The following DDX50 variants were observed in gnomAD, a reference collection of about 807,000 sequenced individuals.
The protein encoded by DDX50 is DExD-box helicase 50.
A neutral mutation model predicts 94.8 loss-of-function variants in DDX50; 56 were observed. The observed-to-expected ratio is 0.59, with a 90% CI of 0.48 to 0.74. The LOEUF is 0.74. Ranked by LOEUF, DDX50 falls within the 30% of genes least tolerant of loss-of-function variation. DDX50 has a pLI of 0.00. For missense variants in DDX50, 713 were observed against 881.2 expected, an observed-to-expected ratio of 0.81 and a Z score of 2.42; for synonymous variants, 264 against 295.4, an observed-to-expected ratio of 0.89 and a Z score of 1.09.
Position 68,930,803 on chromosome 10 carries a change from G to T in DDX50, c.1240-3396G>T, listed in dbSNP as rs985736436. On this transcript the variant is annotated intron_variant, in intron 8 of 14. Transcript: ENST00000373585. ...CAAGTAGCTGGGACGACACGTATGTGCCCCTACAGCTGGCTAACTTTTTAT... is the reference window on the plus strand; with the variant it reads ...CAAGTAGCTGGGACGACACGTATGTTCCCCTACAGCTGGCTAACTTTTTAT... 4.6e-5 allele frequency among the ~76,000 whole-genome samples: 7 copies of T among 152,186 alleles called. No individual in the cohort carries two copies. In the East Asian group the frequency reaches 5.8e-4, roughly 13 times the overall value.
In DDX50 at chr10:68,913,449, C is replaced by A. The variant is rs1554834331; in HGVS notation, c.816C>A (p.Asp272Glu). The A allele has an allele frequency of 1.2e-6, 2 of 1,614,006 alleles. No individual in the cohort carries two copies. Among genetic ancestry groups the A allele is most frequent in the Non-Finnish European group, 1.7e-6 (2 of 1,180,020 alleles). ...ILVGTPGRIK[D>E]HLQSGRLDLS... ...TTGGAACACCTGGTCGTATCAAAGA[C>A]CATCTGCAGAGTGGCCGATTGGATC... Residue 272 changes from aspartate (D) to glutamate (E), a missense_variant, in exon 6 of 15, where the codon GAC (aspartate) becomes GAA (glutamate). Asp to Glu is a conservative substitution (Grantham distance 45). Transcript: ENST00000373585.
Position 68,937,007 on chromosome 10 carries a change from A to G in DDX50, c.1667A>G (p.Lys556Arg). ...TCAGCTCAGAGACTGATAGAAGAGAAAGGTGCAGTGGATGCATTGGCTGCA... is the reference window on the plus strand; with the variant it reads ...TCAGCTCAGAGACTGATAGAAGAGAGAGGTGCAGTGGATGCATTGGCTGCA... ...RPSAQRLIEE[K>R]GAVDALAAAL... Residue 556 changes from lysine to arginine, a missense_variant, in exon 12 of 15, where the codon AAA becomes AGA. Transcript: ENST00000373585. The G allele has an allele frequency of 6.2e-7, 1 of 1,612,416 alleles. No individual in the cohort carries two copies. The highest frequency in any genetic ancestry group is 8.5e-7 in the Non-Finnish European group (1 of 1,179,914).
intron 8 of DDX50, among the ~76,000 whole-genome samples, chr10:68,931,155 A>G (rs1293230893): frequency 6.6e-6 from 1 of 152,008 alleles, no homozygotes; most frequent in Non-Finnish European, 1.5e-5. Context: ...TATTTGATTA[A>G]TGTCCATCTT....
chr10:68,914,081 T>G lies in DDX50; in HGVS notation c.966T>G (p.Thr322=), dbSNP rs1011264607. Residue 322 remains threonine, a synonymous_variant, in exon 7 of 15, where the codon ACT becomes ACG. Coordinates refer to ENST00000373585, the MANE Select transcript of DDX50 (RefSeq NM_024045.2). Reference sequence around the variant, plus strand: ...AAGATTCTGAAGACAATCCTCAGACTTTACTTTTTTCTGCAACTTGCCCAC... The same window carrying G: ...AAGATTCTGAAGACAATCCTCAGACGTTACTTTTTTCTGCAACTTGCCCAC... The part of the protein sequence containing the change: ...YKTDSEDNPQ[T]LLFSATCPQW... 1.9e-6 allele frequency: 3 copies of G among 1,600,880 alleles called. No homozygotes were observed.
chr10:68,935,908 A>G lies in DDX50; in HGVS notation c.1522-98A>G, dbSNP rs1362959494. ...TCTGCTAGGGCTATGAAATCTTTAA[A>G]TGCAAGAAATAGAAATTCAACGAAC... is the stretch of plus-strand genomic sequence containing the variant. On this transcript the variant is annotated intron_variant, in intron 10 of 14. Transcript: ENST00000373585. 5 of 824,476 alleles carry G rather than the reference A, an allele frequency of 6.1e-6. No homozygotes were observed. In the Admixed American group the frequency reaches 1.4e-4, roughly 23 times the overall value. 51.1% of individuals were successfully genotyped at this position (824,476 alleles called of 1,614,324 possible).
intron 2 of DDX50, among the ~76,000 whole-genome samples, chr10:68,908,417 C>G (rs547839073): frequency 7.0e-4 from 98 of 140,022 alleles, no homozygotes; most frequent in African/African-American, 2.3e-3. Flanking sequence ...CACCATTGCA[C>G]TCCAGCCTGG....
At chr10:68,918,750 G>A (rs935972822) in intron 7 of DDX50, among the ~76,000 whole-genome samples, 2 of 151,964 alleles carry the variant, frequency 1.3e-5, no homozygotes, top group Non-Finnish European at 2.9e-5. Context: ...TTCTTTATCC[G>A]CTGTCAACCA....
chr10:68,932,387 G>C (rs1283188878), intron 8 of DDX50, among the ~76,000 whole-genome samples: 1 of 152,104 alleles, frequency 6.6e-6, no homozygotes, highest in Non-Finnish European at 1.5e-5. Context: ...AACCTCTCGA[G>C]TAGCTGGGAT....
Position 68,910,226 on chromosome 10 carries a change from G to A in DDX50, c.385-81G>A, listed in dbSNP as rs1589250675. ...AGTGTTCCACTAATTTTCCTTGTAA[G>A]TTAATCTGTAAAAAATTAAAAACAG... On this transcript the variant is annotated intron_variant, in intron 2 of 14. Coordinates refer to ENST00000373585, the MANE Select transcript of DDX50 (RefSeq NM_024045.2). The A allele has an allele frequency of 5.1e-6, 6 of 1,186,874 alleles. No homozygotes were observed. The East Asian group carries it at 7.7e-5, about 15-fold the overall frequency. The allele number at this position is 1,186,874 out of a possible 1,614,324, so 73.5% of individuals were successfully genotyped here.
rs751261926 is a variant in DDX50 at position 68,910,395 on chromosome 10, GTTGTTGTTGTTA to G, written c.460+25_460+36del. ...AAGCTTCTGAAAGGTATGCAGTTTG[GTTGTTGTTGTTA>G]TTGTTGTTGTTTTGAGACAGAGCCT... On this transcript the variant is annotated intron_variant, in intron 3 of 14. Coordinates refer to ENST00000373585, the MANE Select transcript of DDX50 (RefSeq NM_024045.2). 1 of 1,582,786 alleles carries G rather than the reference GTTGTTGTTGTTA, an allele frequency of 6.3e-7. No homozygotes were observed.
intron 14 of DDX50, 41 bp downstream of exon 14, chr10:68,943,298 C>T: frequency 6.6e-7 from 1 of 1,507,322 alleles, no homozygotes; most frequent in African/African-American, 1.4e-5. Context: ...TGAGTACATT[C>T]TCTAACATTT....
At chr10:68,918,706 C>T (rs535885351) in intron 7 of DDX50, among the ~76,000 whole-genome samples, 8 of 151,688 alleles carry the variant, frequency 5.3e-5, no homozygotes, top group East Asian at 3.9e-4. Flanking sequence ...GGATTACAGG[C>T]GTGAGCCACT....
chr10:68,911,040 A>G, intron 3 of DDX50, 28 bp from the exon 4 acceptor site: 1 of 1,411,130 alleles, frequency 7.1e-7, no homozygotes, highest in Non-Finnish European at 9.4e-7. Context: ...GTCGTAAAGA[A>G]GTATTTTAAT....
At position 68,934,929 on chromosome 10, in the gene DDX50, T is replaced by C. The variant is rs772662134; in HGVS notation, c.1521+11T>C. 6.2e-7 allele frequency: 1 copy of C among 1,608,316 alleles called. No individual in the cohort carries two copies. Among genetic ancestry groups the C allele is most frequent in the Non-Finnish European group, 8.5e-7 (1 of 1,177,678 alleles). On this transcript the variant is annotated intron_variant, in intron 10 of 14. Transcript: ENST00000373585. This position sits in a 1 kb window ranked among gnomAD's most constrained non-coding sequence, Gnocchi z 4.0. ...GTGGAACAAAAAGCAGTAAGTAGAG[T>C]TAAATTATTTCAGGCTTATTGTCTA...
chr10:68,922,162 T>G (rs1841957205), intron 8 of DDX50, among the ~76,000 whole-genome samples: 1 of 152,152 alleles, frequency 6.6e-6, no homozygotes, highest in African/African-American at 2.4e-5. Context: ...TTTTTCCTCT[T>G]TTTCCTTATT....
At chr10:68,918,427 CCTTT>C (rs1841858318) in intron 7 of DDX50, among the ~76,000 whole-genome samples, 1 of 130,818 alleles carries the variant, frequency 7.6e-6, no homozygotes, top group African/African-American at 2.9e-5. Context: ...TCCATTCCCT[CCTTT>C]TTTTTTTTTT....
At chr10:68,930,082 C>CCCTT (rs747562577) in intron 8 of DDX50, among the ~76,000 whole-genome samples, 1 of 140,922 alleles carries the variant, frequency 7.1e-6, no homozygotes, top group Non-Finnish European at 1.5e-5. Context: ...CCTTTCCTTT[C>CCCTT]CCTTCCTTCC....
At chr10:68,933,874 G>T (rs1265357995) in intron 8 of DDX50, among the ~76,000 whole-genome samples, 3 of 151,620 alleles carry the variant, frequency 2.0e-5, no homozygotes, top group Non-Finnish European at 2.9e-5. Context: ...GGTAGAGGTT[G>T]CAGTGAGCCA....
At position 68,946,391 on chromosome 10, in the gene DDX50, G is replaced by A. The variant is rs73268384; in HGVS notation, c.1975G>A (p.Ala659Thr). 2.3e-3 allele frequency: 3,641 copies of A among 1,614,118 alleles called. 74 individuals carry two copies. The African/African-American group carries it at 0.041, about 18-fold the overall frequency. Residue 659 changes from alanine to threonine, a missense_variant, in exon 15 of 15, where the codon GCC becomes ACC. This residue lies in a region of DDX50 where 428 missense variants were observed against 602.3 expected (regional missense o/e 0.71). Transcript: ENST00000373585. ...HDSDWILSVP[A>T]KLPEIEEYYD... Reference sequence around the variant, plus strand: ...TTCCGACTGGATACTCTCAGTGCCAGCCAAATTACCTGAAATTGAAGAATA... The same window carrying A: ...TTCCGACTGGATACTCTCAGTGCCAACCAAATTACCTGAAATTGAAGAATA...
Sources: allele counts gnomAD v4.1 joint callset (sites outside exome capture counted in the v4.1 genomes callset), GRCh38; gene constraint gnomAD v4.1.1; regional missense constraint gnomAD v4.1.1; non-coding constraint Gnocchi (gnomAD v3.1); transcripts MANE v1.5; gene names NCBI Gene and HGNC (gene_info 2026-07-23, HGNC 2026-07-21).